The following CNOT1 variants were observed in gnomAD, a reference collection of about 807,000 sequenced individuals.
The protein encoded by CNOT1 is CCR4-associated factor 1.
CNOT1 carries 15 observed loss-of-function variants against 273.8 expected under a neutral mutation model. The ratio of observed to expected loss-of-function variants is 0.05; its 90% CI spans 0.04 to 0.08. The LOEUF (loss-of-function observed/expected upper bound fraction) is 0.08. CNOT1 is among the 10% of genes least tolerant of loss of function. The pLI is 1.00. For synonymous variants in CNOT1, 1,022 were observed against 1,005.5 expected, an observed-to-expected ratio of 1.02 and a Z score of -0.31; for missense variants, 1,644 against 2,912.2, an observed-to-expected ratio of 0.56 and a Z score of 10.02.
In CNOT1 at chr16:58,553,048, G is replaced by A. The variant is rs948190594; in HGVS notation, c.2970+734C>T. ...AGCACTTTGCAGGGCGGAGGTGGGC[G>A]GATCACCTGAGGTCAGGAGTTCAAG... On this transcript the variant is annotated intron_variant, in intron 22 of 48. Coordinates refer to ENST00000317147, the MANE Select transcript of CNOT1 (RefSeq NM_016284.5). Among the ~76,000 whole-genome samples, 19 of 152,234 alleles carry A rather than the reference G, an allele frequency of 1.2e-4. No homozygotes were observed. In the South Asian group the frequency reaches 2.3e-3, roughly 18 times the overall value.
At chr16:58,573,644 C>A (rs1000274532) in intron 16 of CNOT1, among the ~76,000 whole-genome samples, 3 of 151,824 alleles carry the variant, frequency 2.0e-5, no homozygotes, top group Non-Finnish European at 2.9e-5. Flanking sequence ...CCACGCCTAG[C>A]TAATTTTTTT....
At chr16:58,579,790 C>T (rs148158439) in intron 12 of CNOT1, among the ~76,000 whole-genome samples, 71 of 152,284 alleles carry the variant, frequency 4.7e-4, no homozygotes, top group African/African-American at 1.6e-3. Flanking sequence ...TTTCTTCACA[C>T]ATTCACAGAG....
chr16:58,585,758 A>C (rs1196270451), intron 7 of CNOT1, among the ~76,000 whole-genome samples: 3 of 152,168 alleles, frequency 2.0e-5, no homozygotes, highest in African/African-American at 7.2e-5. Flanking sequence ...TCTACTGACC[A>C]ATTCGTACCC....
intron 11 of CNOT1, 115 bp downstream of exon 11, chr16:58,581,230 C>A: frequency 8.1e-7 from 1 of 1,230,314 alleles, no homozygotes. Context: ...CTTTTCTGTG[C>A]TATGTATAAC....
intron 42 of CNOT1, chr16:58,530,565 T>C: frequency 2.9e-6 from 1 of 347,410 alleles, no homozygotes; most frequent in Non-Finnish European, 5.2e-6. Context: ...AGTGGATCAC[T>C]TGAAGTCAGG....
chr16:58,563,101 GTTGTT>G lies in CNOT1; in HGVS notation c.1980-2744_1980-2740del, dbSNP rs1413101453. 6.6e-5 allele frequency among the ~76,000 whole-genome samples: 10 copies of G among 152,164 alleles called. No homozygotes were observed. In the East Asian group the frequency reaches 9.7e-4, roughly 15 times the overall value. ...CACAGACAACAAATGAAATAAACGC[GTTGTT>G]TTATGTCCACTGAAGCCAGGAAGAA... On this transcript the variant is annotated intron_variant, in intron 16 of 48. Coordinates refer to ENST00000317147, the MANE Select transcript of CNOT1 (RefSeq NM_016284.5).
chr16:58,570,440 C>T (rs987601873), intron 16 of CNOT1, among the ~76,000 whole-genome samples: 2 of 152,106 alleles, frequency 1.3e-5, no homozygotes, highest in Non-Finnish European at 2.9e-5. Flanking sequence ...AGGTTCGACA[C>T]CAGACTGGGC....
chr16:58,623,743 C>A (rs1165945819), intron 1 of CNOT1, among the ~76,000 whole-genome samples: 1 of 152,134 alleles, frequency 6.6e-6, no homozygotes, highest in Admixed American at 6.6e-5. Context: ...AATCCCAGCA[C>A]TTTGGGAGGC....
intron 13 of CNOT1, among the ~76,000 whole-genome samples, chr16:58,576,827 T>C (rs1309670556): frequency 6.6e-6 from 1 of 152,228 alleles, no homozygotes; most frequent in Non-Finnish European, 1.5e-5. Context: ...ACAAACTTAT[T>C]TGTCCTATTT....
intron 7 of CNOT1, 56 bp from the exon 8 acceptor site, chr16:58,585,562 T>C (rs1015326742): frequency 8.9e-6 from 14 of 1,568,512 alleles, no homozygotes; most frequent in Non-Finnish European, 1.2e-5. Context: ...ACAATCCTCT[T>C]TTGCTCTATC....
chr16:58,525,085 C>T lies in CNOT1; in HGVS notation c.6784+94G>A, dbSNP rs37054. 304,805 of 1,152,990 alleles carry T rather than the reference C, an allele frequency of 0.26. 42,584 individuals carry two copies. The highest frequency in any genetic ancestry group is 0.41 in the Admixed American group (22,463 of 54,962). The allele number at this position is 1,152,990 out of a possible 1,614,324, so 71.4% of individuals were successfully genotyped here. ...AATATACTGACAGAACATTCCTTCA[C>T]TATTGTGGCTTGAAGCATTTTTACA... On this transcript the variant is annotated intron_variant, in intron 46 of 48. Coordinates refer to ENST00000317147, the MANE Select transcript of CNOT1 (RefSeq NM_016284.5).
chr16:58,577,554 G>T (rs2041500854), intron 13 of CNOT1, among the ~76,000 whole-genome samples: 1 of 152,178 alleles, frequency 6.6e-6, no homozygotes, highest in African/African-American at 2.4e-5. Context: ...CTCCAAGTAT[G>T]GGTAAAGGAT....
intron 1 of CNOT1, among the ~76,000 whole-genome samples, chr16:58,601,664 G>A (rs1337908462): frequency 2.1e-5 from 3 of 144,910 alleles, no homozygotes; most frequent in East Asian, 2.1e-4. Flanking sequence ...GCTTCTTAAT[G>A]TATAAAGGAT....
Position 58,539,936 on chromosome 16 carries a change from T to G in CNOT1, c.4824A>C (p.Val1608=), listed in dbSNP as rs771813910. 6.2e-7 allele frequency: 1 copy of G among 1,608,398 alleles called. No individual in the cohort carries two copies. Among genetic ancestry groups the G allele is most frequent in the Non-Finnish European group, 8.5e-7 (1 of 1,177,264 alleles). ...TAATACACTTATCATAAATCTGAGCTACATCATCTGTTGCCCAAGCTTGCT... is the reference window on the plus strand; with the variant it reads ...TAATACACTTATCATAAATCTGAGCGACATCATCTGTTGCCCAAGCTTGCT... ...PMKQAWATDD[V]AQIYDKCITE... The change falls in exon 35 of 49, where the codon GTA becomes GTC. Residue 1608 remains valine, a synonymous_variant. Transcript: ENST00000317147.
chr16:58,554,935 CAAAAAAAA>C (rs56180546), intron 21 of CNOT1, among the ~76,000 whole-genome samples: 10 of 78,910 alleles, frequency 1.3e-4, no homozygotes, highest in Non-Finnish European at 2.1e-4. Flanking sequence ...GACTCCATCT[CAAAAAAAA>C]AAAAAAAAAA....
intron 14 of CNOT1, among the ~76,000 whole-genome samples, chr16:58,576,152 C>T (rs1267311412): frequency 6.6e-6 from 1 of 151,718 alleles, no homozygotes; most frequent in African/African-American, 2.4e-5. Flanking sequence ...ACTCTGTCAC[C>T]CAGGCTGGAG....
chr16:58,564,233 ATCAGAGT>A (rs2040959678), intron 16 of CNOT1, among the ~76,000 whole-genome samples: 1 of 152,216 alleles, frequency 6.6e-6, no homozygotes, highest in Admixed American at 6.5e-5. Flanking sequence ...AGGTAGAGGT[ATCAGAGT>A]TCAAAGGAAG....
rs2042572629 is a variant in CNOT1, at chr16:58,603,950, A to G, written c.-174-4439T>C. 2.6e-5 allele frequency among the ~76,000 whole-genome samples: 4 copies of G among 152,338 alleles called. No individual in the cohort carries two copies. In the South Asian group the frequency reaches 8.3e-4, roughly 32 times the overall value. On this transcript the variant is annotated intron_variant, in intron 1 of 48. Coordinates refer to ENST00000317147, the MANE Select transcript of CNOT1 (RefSeq NM_016284.5). ...ACAAGTAATTGTTTACTCTGCACCA[A>G]TTTATTATACATACTTCATGTCCCA...
intron 16 of CNOT1, among the ~76,000 whole-genome samples, chr16:58,571,223 CAA>C (rs1490704283): frequency 6.6e-6 from 1 of 151,988 alleles, no homozygotes; most frequent in East Asian, 1.9e-4. Context: ...TTAATAGAGA[CAA>C]AGACATTTTA....
Sources: allele counts gnomAD v4.1 joint callset (sites outside exome capture counted in the v4.1 genomes callset), GRCh38; gene constraint gnomAD v4.1.1; transcripts MANE v1.5; gene names NCBI Gene and HGNC (gene_info 2026-07-23, HGNC 2026-07-21).